Variants in PTPRO observed in about 807,000 individuals in gnomAD.
The protein encoded by PTPRO is protein tyrosine phosphatase receptor type O.
Under a neutral mutation model 145.2 loss-of-function variants are expected in PTPRO, and 62 were observed. That is an observed-to-expected ratio of 0.43 (90% CI 0.35 to 0.53). PTPRO has a LOEUF of 0.53. Ranked by LOEUF, PTPRO falls within the 20% of genes least tolerant of loss-of-function variation. The pLI is 0.01. For synonymous variants in PTPRO, 565 were observed against 514.7 expected, an observed-to-expected ratio of 1.10 and a Z score of -1.32; for missense variants, 1,345 against 1,482.7, an observed-to-expected ratio of 0.91 and a Z score of 1.53.
chr12:15,439,799 A>G, intron 1 of PTPRO: 1 of 610,456 alleles, frequency 1.6e-6, no homozygotes, highest in South Asian at 1.5e-5. Flanking sequence ...AGAATCAGAT[A>G]TCATTGACTT....
rs1421444863 is a variant in PTPRO at position 15,322,827 on chromosome 12, T to A, written c.75+26T>A. The A allele has an allele frequency of 1.6e-5, 25 of 1,604,292 alleles. No homozygotes were observed. Among genetic ancestry groups the A allele is most frequent in the Non-Finnish European group, 2.0e-5 (24 of 1,175,890 alleles). ...GTAGGGGAGCTCCTCCACCCCTTTTTCCCAGCGGTCCGGGCGGCAGCCGCG... is the reference window on the plus strand; with the variant it reads ...GTAGGGGAGCTCCTCCACCCCTTTTACCCAGCGGTCCGGGCGGCAGCCGCG... On this transcript the variant is annotated intron_variant, in intron 1 of 26. Coordinates refer to ENST00000281171, the MANE Select transcript of PTPRO (RefSeq NM_030667.3). The surrounding 1 kb of genome is among the most constrained non-coding windows in gnomAD (Gnocchi z 6.3).
intron 12 of PTPRO, among the ~76,000 whole-genome samples, chr12:15,534,793 T>A (rs1804563766): frequency 1.3e-5 from 2 of 152,190 alleles, no homozygotes; most frequent in South Asian, 4.1e-4. Flanking sequence ...TTTAAAACAA[T>A]CCCTCTGGTT....
At chr12:15,522,055 T>C (rs1033848453) in intron 10 of PTPRO, among the ~76,000 whole-genome samples, 1 of 152,172 alleles carries the variant, frequency 6.6e-6, no homozygotes, top group African/African-American at 2.4e-5. Context: ...TCTCAGCATA[T>C]TGACAGAGAT....
At chr12:15,393,995 CT>C (rs1311337510) in intron 1 of PTPRO, among the ~76,000 whole-genome samples, 1 of 152,110 alleles carries the variant, frequency 6.6e-6, no homozygotes, top group Non-Finnish European at 1.5e-5. Context: ...CAGATCCGCT[CT>C]TGTGACAACC....
intron 1 of PTPRO, among the ~76,000 whole-genome samples, chr12:15,448,359 A>AAAAAAAAAAAAAAAC (rs1565635339): frequency 1.3e-5 from 2 of 149,910 alleles, no homozygotes; most frequent in Admixed American, 6.7e-5. Flanking sequence ...AAAAAAAAAA[A>AAAAAAAAAAAAAAAC]AGCACCGATT....
chr12:15,393,633 T>A (rs1939253351), intron 1 of PTPRO, among the ~76,000 whole-genome samples: 2 of 152,164 alleles, frequency 1.3e-5, no homozygotes, highest in African/African-American at 4.8e-5. Context: ...CTAGGATTTT[T>A]TTTTTTTTTT....
intron 2 of PTPRO, among the ~76,000 whole-genome samples, chr12:15,492,343 T>A (rs1375153978): frequency 2.0e-5 from 3 of 152,180 alleles, no homozygotes; most frequent in Non-Finnish European, 4.4e-5. Flanking sequence ...AAAAATTTAA[T>A]TATGTTTATA....
chr12:15,526,150 C>T lies in PTPRO; in HGVS notation c.2052C>T (p.Arg684=), dbSNP rs1317725823. 2.5e-6 allele frequency: 4 copies of T among 1,613,858 alleles called. No individual in the cohort carries two copies. The highest frequency in any genetic ancestry group is 3.3e-5 in the Admixed American group (2 of 60,002). Residue 684 remains arginine, a synonymous_variant, in exon 12 of 27, where the codon CGC becomes CGT. Transcript: ENST00000281171. ...GKKKIKKSVT[R]NVMTAILSLP... is the part of the protein sequence containing the mutation. ...TTTTGATGATCTTGCAGGTAACACG[C>T]AATGTCATGACTGCAATTCTCAGCT...
intron 19 of PTPRO, among the ~76,000 whole-genome samples, chr12:15,575,530 T>C (rs377418729): frequency 4.6e-5 from 7 of 152,352 alleles, no homozygotes; most frequent in African/African-American, 7.2e-5. Flanking sequence ...TATCACTCTA[T>C]GGTGTTTTGT....
intron 1 of PTPRO, among the ~76,000 whole-genome samples, chr12:15,383,703 C>T (rs1240994721): frequency 1.3e-5 from 2 of 152,140 alleles, no homozygotes; most frequent in African/African-American, 4.8e-5. Context: ...TGGGACATCT[C>T]AAAGCAAGAG....
At chr12:15,393,770 T>C (rs1939258797) in intron 1 of PTPRO, among the ~76,000 whole-genome samples, 1 of 152,196 alleles carries the variant, frequency 6.6e-6, no homozygotes, top group Non-Finnish European at 1.5e-5. Context: ...TAGTCAGCTT[T>C]CTGTTGCTAT....
At chr12:15,546,507 G>A in intron 12 of PTPRO, 62 bp from the exon 13 acceptor site, 1 of 1,546,220 alleles carries the variant, frequency 6.5e-7, no homozygotes. Context: ...CTGCTTATTA[G>A]TGAAAGAAGA....
intron 1 of PTPRO, among the ~76,000 whole-genome samples, chr12:15,413,089 G>T (rs534957375): frequency 1.3e-5 from 2 of 151,988 alleles, no homozygotes; most frequent in East Asian, 1.9e-4. Flanking sequence ...CACCATGCCC[G>T]GCCTTGTTTT....
intron 19 of PTPRO, among the ~76,000 whole-genome samples, chr12:15,576,912 T>C (rs1944198292): frequency 6.6e-6 from 1 of 152,154 alleles, no homozygotes; most frequent in South Asian, 2.1e-4. Context: ...ATTTCTGAAA[T>C]AATTTAAGCA....
At chr12:15,525,288 C>T (rs146242841) in intron 11 of PTPRO, among the ~76,000 whole-genome samples, 6 of 152,222 alleles carry the variant, frequency 3.9e-5, no homozygotes, top group African/African-American at 7.2e-5. Flanking sequence ...CATATATCAC[C>T]GACACCTAAA....
At chr12:15,505,165 GT>G (rs1942297006) in intron 6 of PTPRO, among the ~76,000 whole-genome samples, 1 of 152,308 alleles carries the variant, frequency 6.6e-6, no homozygotes, top group African/African-American at 2.4e-5. Flanking sequence ...CACCGCACAT[GT>G]GAACAGCCTC....
At chr12:15,323,928 T>C (rs1182696300) in intron 1 of PTPRO, among the ~76,000 whole-genome samples, 1 of 152,190 alleles carries the variant, frequency 6.6e-6, no homozygotes, top group Non-Finnish European at 1.5e-5. Flanking sequence ...TCATTTATCT[T>C]AATGAAAAAT....
At chr12:15,574,241 G>A (rs981225817) in intron 19 of PTPRO, among the ~76,000 whole-genome samples, 1 of 152,174 alleles carries the variant, frequency 6.6e-6, no homozygotes, top group Non-Finnish European at 1.5e-5. Context: ...AAATCTGCTA[G>A]AAAGATTGAT....
intron 1 of PTPRO, among the ~76,000 whole-genome samples, chr12:15,372,179 T>C (rs1369637644): frequency 2.0e-5 from 3 of 152,208 alleles, no homozygotes; most frequent in Non-Finnish European, 4.4e-5. Context: ...ATATTAGTGA[T>C]TGTATATACC....
Sources: allele counts gnomAD v4.1 joint callset (sites outside exome capture counted in the v4.1 genomes callset), GRCh38; gene constraint gnomAD v4.1.1; non-coding constraint Gnocchi (gnomAD v3.1); transcripts MANE v1.5; gene names NCBI Gene and HGNC (gene_info 2026-07-23, HGNC 2026-07-21).